IL6ST: variants seen among roughly 807,000 people sequenced by gnomAD.
IL6ST encodes the protein interleukin-6 receptor subunit beta.
Under a neutral mutation model 91.3 loss-of-function variants are expected in IL6ST, and 24 were observed. The observed-to-expected ratio is 0.26, with a 90% CI of 0.19 to 0.37. The LOEUF (loss-of-function observed/expected upper bound fraction) is 0.37, where lower values mean the gene tolerates loss of function less well. Among genes scored for constraint, IL6ST ranks in the 10% least tolerant of loss-of-function variants. The pLI is 1.00. For missense variants in IL6ST, 914 were observed against 1,078.5 expected (o/e 0.85, Z 2.14); for synonymous variants, 351 against 373.6 (o/e 0.94, Z 0.70).
At chr5:55,945,800 G>A (rs1751212838) in intron 15 of IL6ST, among the ~76,000 whole-genome samples, 2 of 151,672 alleles carry the variant, frequency 1.3e-5, no homozygotes, top group Non-Finnish European at 2.9e-5. Context: ...ACTGACGTGT[G>A]CCACCATGCC....
rs1561145113 is a variant in IL6ST, at chr5:55,938,867, G to T, written c.*2215C>A. 5.0e-6 allele frequency: 1 copy of T among 201,986 alleles called. No homozygotes were observed. The highest frequency in any genetic ancestry group is 7.6e-5 in the East Asian group (1 of 13,110). 12.5% of individuals were successfully genotyped at this position (201,986 alleles called of 1,614,324 possible). A position where few individuals can be genotyped will look rare whatever the true frequency, so the allele number is the denominator to read the frequency against. The stretch of plus-strand genomic sequence containing the variant: ...CAGTAATCATATATCCATTTAATAT[G>T]TATAAAGTGTTCTTGGGGATGGGGG... On this transcript the variant is annotated 3_prime_UTR_variant, in exon 17 of 17. Transcript: ENST00000381298.
chr5:55,951,572 T>C lies in IL6ST; in HGVS notation c.1732A>G (p.Thr578Ala). ...GTGTCACTAGTCAAAGAGGACAATG[T>C]ATATTCTGTGTGGGAAGAATCCACA... ...VNVDSSHTEY[T>A]LSSLTSDTLY... Residue 578 changes from threonine (T) to alanine (A), a missense_variant, in exon 14 of 17, where the codon ACA becomes GCA. Physicochemically the swap from Thr to Ala is moderately conservative, Grantham distance 58. Transcript: ENST00000381298. The C allele has an allele frequency of 6.2e-7, 1 of 1,612,772 alleles. No homozygotes were observed. The highest frequency in any genetic ancestry group is 8.5e-7 in the Non-Finnish European group (1 of 1,179,078).
At chr5:55,958,207 G>A (rs534908144) in intron 8 of IL6ST, among the ~76,000 whole-genome samples, 4 of 152,224 alleles carry the variant, frequency 2.6e-5, no homozygotes, top group Admixed American at 6.5e-5. Flanking sequence ...CTAGGCTCAG[G>A]TGATCCTCCC....
chr5:55,940,869 G>A lies in IL6ST; in HGVS notation c.*213C>T. 1 of 497,370 alleles carries A rather than the reference G, an allele frequency of 2.0e-6. No homozygotes were observed. The highest frequency in any genetic ancestry group is 3.5e-6 in the Non-Finnish European group (1 of 282,150). The allele number at this position is 497,370 out of a possible 1,614,324, so 30.8% of individuals were successfully genotyped here. ...CAGCACAAAATCATTCAGCTAGTCTGAGGATAAAGTCAGTTTATGTAGTGC... is the reference window on the plus strand; with the variant it reads ...CAGCACAAAATCATTCAGCTAGTCTAAGGATAAAGTCAGTTTATGTAGTGC... On this transcript the variant is annotated 3_prime_UTR_variant, in exon 17 of 17. Coordinates refer to ENST00000381298, the MANE Select transcript of IL6ST (RefSeq NM_002184.4).
At chr5:55,958,545 C>T (rs1752118431) in intron 8 of IL6ST, among the ~76,000 whole-genome samples, 1 of 151,934 alleles carries the variant, frequency 6.6e-6, no homozygotes, top group African/African-American at 2.4e-5. Flanking sequence ...TGAATAAAAT[C>T]TAAGCAGTAA....
At position 55,963,376 on chromosome 5, in the gene IL6ST, G is replaced by T; in HGVS notation, c.789C>A (p.Thr263=). 6.3e-7 allele frequency: 1 copy of T among 1,585,142 alleles called. No homozygotes were observed. Among genetic ancestry groups the T allele is most frequent in the South Asian group, 1.2e-5 (1 of 85,754 alleles). Residue 263 remains threonine, a synonymous_variant, in exon 7 of 17, where the codon ACC becomes ACA. Coordinates refer to ENST00000381298, the MANE Select transcript of IL6ST (RefSeq NM_002184.4). ...IILKYNIQYR[T]KDASTWSQIP... is the part of the protein sequence containing the mutation. Reference sequence around the variant, plus strand: ...CCTGGCTCCAAGTTGAGGCATCTTTGGTCCTATATTGAATGTTATATTTTA... The same window carrying T: ...CCTGGCTCCAAGTTGAGGCATCTTTTGTCCTATATTGAATGTTATATTTTA...
rs577772860 is a variant in IL6ST, at chr5:55,943,477, T to G, written c.1938-726A>C. On this transcript the variant is annotated intron_variant, in intron 15 of 16. Transcript: ENST00000381298. The stretch of plus-strand genomic sequence containing the variant: ...CATTCATTTTATGAGGCCAGTATTA[T>G]CCTGATTTTAAAACCAGACAGATAA... Among the ~76,000 whole-genome samples the G allele has an allele frequency of 1.1e-4, 16 of 152,304 alleles. No individual in the cohort carries two copies. In the South Asian group the frequency reaches 3.1e-3, roughly 30 times the overall value.
At chr5:55,959,988 C>T (rs968727240) in intron 8 of IL6ST, among the ~76,000 whole-genome samples, 3 of 151,882 alleles carry the variant, frequency 2.0e-5, no homozygotes, top group Admixed American at 6.6e-5. Context: ...TGGGTTCAAG[C>T]GATTCTCCTG....
chr5:55,954,629 T>C (rs1751847808), intron 11 of IL6ST, among the ~76,000 whole-genome samples, 181 bp downstream of exon 11: 1 of 152,188 alleles, frequency 6.6e-6, no homozygotes, highest in African/African-American at 2.4e-5. Flanking sequence ...ACTCTGTTCA[T>C]AAAGAGACTG....
At chr5:55,980,645 C>T (rs1753604728) in intron 2 of IL6ST, among the ~76,000 whole-genome samples, 1 of 152,138 alleles carries the variant, frequency 6.6e-6, no homozygotes, top group South Asian at 2.1e-4. Flanking sequence ...CAAACCTCAG[C>T]ATCACACAAT....
intron 3 of IL6ST, among the ~76,000 whole-genome samples, chr5:55,972,766 A>G (rs1753035222): frequency 6.6e-6 from 1 of 152,180 alleles, no homozygotes; most frequent in African/African-American, 2.4e-5. Context: ...GCACTTTGGG[A>G]GGCCGAGGTG....
chr5:55,986,772 C>A (rs1253167220), intron 1 of IL6ST, among the ~76,000 whole-genome samples: 2 of 152,118 alleles, frequency 1.3e-5, no homozygotes, highest in African/African-American at 4.8e-5. Context: ...CACAATCTAT[C>A]TTCAAGTAAT....
chr5:55,952,259 T>G lies in IL6ST; in HGVS notation c.1543A>C (p.Lys515Gln), dbSNP rs1294808392. The change falls in exon 12 of 17, where the codon AAA becomes CAA. Residue 515 changes from lysine (K) to glutamine (Q), a missense_variant. Transcript: ENST00000381298. ...GSPESIKAYL[K>Q]QAPPSKGPTV... ...GTGAGTTTGGACTTACGAGCTTGTT[T>G]AAGGTATGCCTTTATGGATTCAGGG... 6.2e-7 allele frequency: 1 copy of G among 1,607,182 alleles called. No individual in the cohort carries two copies. The highest frequency in any genetic ancestry group is 1.7e-5 in the Admixed American group (1 of 59,748).
At position 55,939,346 on chromosome 5, in the gene IL6ST, T is replaced by C. The variant is rs1343269290; in HGVS notation, c.*1736A>G. On this transcript the variant is annotated 3_prime_UTR_variant, in exon 17 of 17. Transcript: ENST00000381298. The stretch of plus-strand genomic sequence containing the variant: ...AAACTGAATATATCAGAATGAAACA[T>C]CTATTTTTTTCATAAAGAAGATCAT... 5.0e-6 allele frequency: 1 copy of C among 201,422 alleles called. No homozygotes were observed. Among genetic ancestry groups the C allele is most frequent in the Non-Finnish European group, 1.0e-5 (1 of 98,056 alleles). The allele number at this position is 201,422 out of a possible 1,614,324, so 12.5% of individuals were successfully genotyped here.
intron 3 of IL6ST, among the ~76,000 whole-genome samples, chr5:55,974,283 C>G (rs1315268820): frequency 6.6e-6 from 1 of 152,118 alleles, no homozygotes; most frequent in Non-Finnish European, 1.5e-5. Flanking sequence ...ATAATGCTTA[C>G]TGTAGGCCAA....
Position 55,939,659 on chromosome 5 carries a change from A to T in IL6ST, c.*1423T>A, listed in dbSNP as rs114494438. The T allele has an allele frequency of 6.9e-3, 1,419 of 206,128 alleles. 18 individuals carry two copies. Among genetic ancestry groups the T allele is most frequent in the African/African-American group, 0.03 (1,321 of 43,964 alleles). The allele number at this position is 206,128 out of a possible 1,614,324, so 12.8% of individuals were successfully genotyped here. On this transcript the variant is annotated 3_prime_UTR_variant, in exon 17 of 17. Transcript: ENST00000381298. The stretch of plus-strand genomic sequence containing the variant: ...TAATAACGCTTGCTAATTTCCTCTT[A>T]CTTTCTAAGAAAACCCCTATATTTA...
chr5:55,957,167 A>G (rs745422000), intron 9 of IL6ST, 42 bp downstream of exon 9: 1 of 1,119,924 alleles, frequency 8.9e-7, no homozygotes, highest in Admixed American at 2.4e-5. Context: ...AAAAAAAAAA[A>G]AAAAGATTTA....
chr5:55,964,361 A>T, intron 5 of IL6ST, 49 bp from the exon 6 acceptor site: 1 of 1,379,446 alleles, frequency 7.2e-7, no homozygotes, highest in South Asian at 1.3e-5. Context: ...CATCTGAAAA[A>T]ATTAGAGTGA....
intron 14 of IL6ST, among the ~76,000 whole-genome samples, chr5:55,951,248 T>C (rs1004805090): frequency 2.0e-5 from 3 of 152,160 alleles, no homozygotes; most frequent in Non-Finnish European, 4.4e-5. Flanking sequence ...TTTTAGGATT[T>C]TTAGTACAGC....
Sources: gnomAD v4.1 joint callset for allele counts (sites outside exome capture counted in the v4.1 genomes callset) on GRCh38, gnomAD v4.1.1 for gene constraint, MANE v1.5 for transcripts, NCBI Gene and HGNC (gene_info 2026-07-23, HGNC 2026-07-21) for gene names.